ROBO2: variants seen among roughly 807,000 people sequenced by gnomAD.
The protein encoded by ROBO2 is roundabout guidance receptor 2, also known as roundabout homolog 2.
In ROBO2, 53 loss-of-function variants were observed where a neutral mutation model predicts 160.8. The ratio of observed to expected loss-of-function variants is 0.33; its 90% CI spans 0.26 to 0.41. ROBO2 has a LOEUF of 0.41. Among genes scored for constraint, ROBO2 ranks in the 10% least tolerant of loss-of-function variants. The pLI is 1.00. For synonymous variants in ROBO2, 664 were observed against 611.7 expected (o/e 1.09, Z -1.26); for missense variants, 1,577 against 1,722.4 (o/e 0.92, Z 1.49).
At chr3:76,997,676 T>A (rs2149402059) in intron 2 of ROBO2, among the ~76,000 whole-genome samples, 1 of 152,298 alleles carries the variant, frequency 6.6e-6, no homozygotes, top group African/African-American at 2.4e-5. Context: ...ATCGTATAAG[T>A]TGAGCTTCTG....
chr3:76,304,798 C>CTTTCTT (rs1177082404), intron 2 of ROBO2, among the ~76,000 whole-genome samples: 41 of 85,588 alleles, frequency 4.8e-4, no homozygotes, highest in African/African-American at 1.9e-3. Context: ...TTCTTTCTTT[C>CTTTCTT]TCTTTCTTTT....
At position 76,014,239 on chromosome 3, in the gene ROBO2, C is replaced by T. The variant is rs577202857; in HGVS notation, c.109+76637C>T. 2.1e-3 allele frequency among the ~76,000 whole-genome samples: 245 copies of T among 114,350 alleles called. 2 individuals carry two copies. Among genetic ancestry groups the T allele is most frequent in the Middle Eastern group, 5.6e-3 (1 of 178 alleles). 75.0% of individuals were successfully genotyped at this position (114,350 alleles called of 152,430 possible). ...GTATAAAGGCATTTGACGGCTGGCA[C>T]GGTGGCTTATGCGTGTAATCCCAGA... On this transcript the variant is annotated intron_variant, in intron 2 of 26. Coordinates refer to the ROBO2 transcript ENST00000487694.
intron 2 of ROBO2, among the ~76,000 whole-genome samples, chr3:77,474,382 A>G (rs1489585636): frequency 3.3e-5 from 5 of 152,124 alleles, no homozygotes; most frequent in African/African-American, 1.2e-4. Flanking sequence ...TTTTCAGTGA[A>G]ACATCAGAGG....
chr3:76,356,467 T>C (rs2075172067), intron 2 of ROBO2, among the ~76,000 whole-genome samples: 1 of 151,420 alleles, frequency 6.6e-6, no homozygotes, highest in Non-Finnish European at 1.5e-5. Flanking sequence ...AAAGTAAGGG[T>C]AGAGAAAGCT....
At chr3:77,189,168 G>C (rs1006749648) in intron 2 of ROBO2, among the ~76,000 whole-genome samples, 1 of 151,784 alleles carries the variant, frequency 6.6e-6, no homozygotes, top group African/African-American at 2.4e-5. Flanking sequence ...TGAAATTTCT[G>C]AGAATTTTAT....
intron 2 of ROBO2, among the ~76,000 whole-genome samples, chr3:76,887,950 A>G (rs1328229096): frequency 6.6e-6 from 1 of 152,182 alleles, no homozygotes; most frequent in African/African-American, 2.4e-5. Flanking sequence ...GCAACTGTAG[A>G]TTTTTAATCA....
intron 2 of ROBO2, among the ~76,000 whole-genome samples, chr3:77,265,406 C>A (rs62249717): frequency 7.2e-5 from 11 of 152,162 alleles, no homozygotes; most frequent in African/African-American, 1.7e-4. Context: ...AAACTCAATG[C>A]CTTTTACAAG....
intron 2 of ROBO2, among the ~76,000 whole-genome samples, chr3:76,168,943 A>G (rs1393276183): frequency 1.3e-5 from 2 of 151,736 alleles, no homozygotes; most frequent in African/African-American, 4.8e-5. Flanking sequence ...GAGTTTATAT[A>G]GATTATTTAT....
chr3:77,314,562 G>C (rs915616561), intron 2 of ROBO2, among the ~76,000 whole-genome samples: 1 of 152,108 alleles, frequency 6.6e-6, no homozygotes, highest in African/African-American at 2.4e-5. Context: ...GGTTTTTCAG[G>C]GAGATGTTCT....
chr3:76,664,992 G>C (rs972989530), intron 2 of ROBO2, among the ~76,000 whole-genome samples: 5 of 152,178 alleles, frequency 3.3e-5, no homozygotes, highest in Non-Finnish European at 7.3e-5. Context: ...GGGCCAGTAA[G>C]AGGCAACGTG....
At chr3:76,150,460 C>T (rs1488049423) in intron 2 of ROBO2, among the ~76,000 whole-genome samples, 3 of 151,990 alleles carry the variant, frequency 2.0e-5, no homozygotes, top group East Asian at 1.9e-4. Flanking sequence ...ACACATCTGT[C>T]TAAAACACAC....
chr3:77,271,051 AT>A (rs138018479), intron 2 of ROBO2, among the ~76,000 whole-genome samples: 5,455 of 152,050 alleles, frequency 0.036, 131 homozygotes, highest in Non-Finnish European at 0.052. Context: ...TATAGGGTAC[AT>A]TTTTATATTT....
chr3:77,206,624 C>T (rs760746285), intron 2 of ROBO2, among the ~76,000 whole-genome samples: 1 of 152,074 alleles, frequency 6.6e-6, no homozygotes, highest in East Asian at 1.9e-4. Context: ...TTTTGAGGAA[C>T]ACAGTCTCAC....
chr3:77,628,003 C>A (rs1042395446), intron 23 of ROBO2, among the ~76,000 whole-genome samples: 6 of 152,076 alleles, frequency 3.9e-5, no homozygotes, highest in South Asian at 2.1e-4. Context: ...CAGCAAGATG[C>A]CACTTTATCA....
chr3:76,711,097 T>G (rs2093283694), intron 2 of ROBO2, among the ~76,000 whole-genome samples: 1 of 152,188 alleles, frequency 6.6e-6, no homozygotes, highest in Non-Finnish European at 1.5e-5. Context: ...ATCGTATTAG[T>G]CCATTCTCAA....
intron 16 of ROBO2, among the ~76,000 whole-genome samples, chr3:77,584,892 A>G (rs201521089): frequency 2.3e-4 from 34 of 147,336 alleles, no homozygotes; most frequent in South Asian, 8.5e-4. Context: ...ATATATATGT[A>G]TGTGTGTGTG....
At chr3:76,431,944 A>G (rs2076455083) in intron 2 of ROBO2, among the ~76,000 whole-genome samples, 1 of 152,156 alleles carries the variant, frequency 6.6e-6, no homozygotes. Context: ...ATTGATCTGT[A>G]TAAGAAATAA....
intron 2 of ROBO2, among the ~76,000 whole-genome samples, chr3:77,131,001 T>A (rs905576846): frequency 2.0e-5 from 3 of 152,202 alleles, no homozygotes; most frequent in Non-Finnish European, 2.9e-5. Context: ...GTATTAGAAT[T>A]TCTTACTGCT....
intron 2 of ROBO2, among the ~76,000 whole-genome samples, chr3:76,341,347 C>T (rs1381668188): frequency 4.0e-5 from 6 of 148,520 alleles, no homozygotes; most frequent in South Asian, 2.1e-4. Context: ...TCCCCTACTA[C>T]GGGTCCAATC....
Sources: gnomAD v4.1 joint callset for allele counts (sites outside exome capture counted in the v4.1 genomes callset) on GRCh38, gnomAD v4.1.1 for gene constraint, MANE v1.5 for transcripts, NCBI Gene and HGNC (gene_info 2026-07-23, HGNC 2026-07-21) for gene names.